Variants in STAMBPL1 observed in about 807,000 individuals in gnomAD.
STAMBPL1 encodes the protein STAM binding protein like 1.
A neutral mutation model predicts 52.9 loss-of-function variants in STAMBPL1; 44 were observed. The observed-to-expected ratio is 0.83, with a 90% CI of 0.65 to 1.07. The LOEUF is 1.07. Ranked by LOEUF, STAMBPL1 falls within the 50% of genes least tolerant of loss-of-function variation. STAMBPL1 has a pLI of 0.00. For synonymous variants in STAMBPL1, 164 were observed against 177.3 expected (o/e 0.92, Z 0.60); for missense variants, 511 against 520.8 (o/e 0.98, Z 0.18).
chr10:88,919,793 C>T (rs536476345), intron 8 of STAMBPL1, among the ~76,000 whole-genome samples: 1 of 150,624 alleles, frequency 6.6e-6, no homozygotes, highest in African/African-American at 2.4e-5. Context: ...AAATCATCAT[C>T]TGATTTTACC....
At chr10:88,907,406 T>G (rs547476610) in intron 3 of STAMBPL1, among the ~76,000 whole-genome samples, 1 of 152,310 alleles carries the variant, frequency 6.6e-6, no homozygotes, top group Non-Finnish European at 1.5e-5. Context: ...AATATGAAAT[T>G]AGAAGTTATT....
In STAMBPL1 at chr10:88,905,760, G is replaced by T. The variant is rs1315906607; in HGVS notation, c.248+100G>T. 4.4e-6 allele frequency: 4 copies of T among 899,438 alleles called. No homozygotes were observed. The African/African-American group carries it at 6.7e-5, about 15-fold the overall frequency. The allele number at this position is 899,438 out of a possible 1,614,324, so 55.7% of individuals were successfully genotyped here. ...GGTATCAGTAATGTTTTCATATTCAGACCAATTGCACAGTCTCTAGGAGCA... is the reference window on the plus strand; with the variant it reads ...GGTATCAGTAATGTTTTCATATTCATACCAATTGCACAGTCTCTAGGAGCA... On this transcript the variant is annotated intron_variant, in intron 3 of 10. Transcript: ENST00000371926.
intron 1 of STAMBPL1, among the ~76,000 whole-genome samples, chr10:88,883,340 C>A (rs1200923096): frequency 6.6e-6 from 1 of 152,012 alleles, no homozygotes; most frequent in African/African-American, 2.4e-5. Context: ...AAAATCAAAA[C>A]AAAACAAAAA....
At chr10:88,901,824 T>C in intron 2 of STAMBPL1, 86 bp downstream of exon 2, 1 of 1,365,902 alleles carries the variant, frequency 7.3e-7, no homozygotes, top group Non-Finnish European at 1.0e-6. Flanking sequence ...TGAGTCACAA[T>C]TACTTTAAGA....
Position 88,914,549 on chromosome 10 carries a change from G to T in STAMBPL1, c.794G>T (p.Gly265Val). The change falls in exon 7 of 11, where the codon GGA (glycine) becomes GTA (valine). Residue 265 changes from glycine to valine, a missense_variant. Transcript: ENST00000371926. ...TGTTTCTTAGATTTAGTGGTTGAAGGACTGCGATGTGTAGTTTTGCCAGAA... is the reference window on the plus strand; with the variant it reads ...TGTTTCTTAGATTTAGTGGTTGAAGTACTGCGATGTGTAGTTTTGCCAGAA... The part of the protein sequence containing the change: ...LSAVQNLVVE[G>V]LRCVVLPEDL... 6.5e-7 allele frequency: 1 copy of T among 1,532,984 alleles called. No homozygotes were observed. Among genetic ancestry groups the T allele is most frequent in the Non-Finnish European group, 8.8e-7 (1 of 1,137,846 alleles). 95.0% of individuals were successfully genotyped at this position (1,532,984 alleles called of 1,614,324 possible).
chr10:88,921,424 A>G, intron 9 of STAMBPL1, 29 bp downstream of exon 9: 1 of 1,582,686 alleles, frequency 6.3e-7, no homozygotes, highest in East Asian at 2.2e-5. Context: ...GGGAGACCAA[A>G]GAAGGCTTTG....
Position 88,923,189 on chromosome 10 carries a change from A to G in STAMBPL1, c.1276A>G (p.Lys426Glu). Reference sequence around the variant, plus strand: ...CTAGATATGCAAACATGTGTTGGTAAAAGACATAAAAATAATTGTGTTGGA... The same window carrying G: ...CTAGATATGCAAACATGTGTTGGTAGAAGACATAAAAATAATTGTGTTGGA... ...LFSICKHVLV[K>E]DIKIIVLDLR Residue 426 changes from lysine to glutamate, a missense_variant, in exon 11 of 11, where the codon AAA (lysine) becomes GAA (glutamate). Coordinates refer to ENST00000371926, the MANE Select transcript of STAMBPL1 (RefSeq NM_020799.4). 6.2e-7 allele frequency: 1 copy of G among 1,606,146 alleles called. No individual in the cohort carries two copies. The highest frequency in any genetic ancestry group is 8.5e-7 in the Non-Finnish European group (1 of 1,178,250).
intron 1 of STAMBPL1, among the ~76,000 whole-genome samples, chr10:88,900,898 T>C (rs1844928488): frequency 6.6e-6 from 1 of 152,194 alleles, no homozygotes; most frequent in African/African-American, 2.4e-5. Flanking sequence ...GCTTGTATGA[T>C]CATTGGCAGA....
chr10:88,918,517 G>T (rs192445832), intron 8 of STAMBPL1, among the ~76,000 whole-genome samples: 1 of 152,132 alleles, frequency 6.6e-6, no homozygotes, highest in Admixed American at 6.5e-5. Context: ...AAGATACCAG[G>T]TGTGAAAGCT....
chr10:88,923,156 T>C lies in STAMBPL1; in HGVS notation c.1255-12T>C. ...ATCAAACATATGGTAAAACCAATTTTTTCTTTCCTAGATATGCAAACATGT... is the reference window on the plus strand; with the variant it reads ...ATCAAACATATGGTAAAACCAATTTCTTCTTTCCTAGATATGCAAACATGT... On this transcript the variant is annotated splice_polypyrimidine_tract_variant and intron_variant, in intron 10 of 10. Transcript: ENST00000371926. 3.8e-6 allele frequency: 6 copies of C among 1,599,028 alleles called. No homozygotes were observed. The highest frequency in any genetic ancestry group is 5.1e-6 in the Non-Finnish European group (6 of 1,174,076).
intron 1 of STAMBPL1, among the ~76,000 whole-genome samples, chr10:88,896,843 C>G (rs568026078): frequency 6.6e-6 from 1 of 151,092 alleles, no homozygotes; most frequent in Non-Finnish European, 1.5e-5. Context: ...CACACAAACA[C>G]ACACATACAT....
In STAMBPL1 at chr10:88,917,316, C is replaced by A. The variant is rs80190315; in HGVS notation, c.1041+499C>A. On this transcript the variant is annotated intron_variant, in intron 8 of 10. Coordinates refer to ENST00000371926, the MANE Select transcript of STAMBPL1 (RefSeq NM_020799.4). ...TATATATCAGCCACACTCCCTGACA[C>A]CCCTCAGACAGGCAAACGATGTATG... 2.6e-5 allele frequency among the ~76,000 whole-genome samples: 4 copies of A among 152,238 alleles called. No homozygotes were observed. The East Asian group carries it at 7.7e-4, about 29-fold the overall frequency.
chr10:88,908,565 C>A, intron 3 of STAMBPL1, 137 bp from the exon 4 acceptor site: 1 of 689,600 alleles, frequency 1.5e-6, no homozygotes, highest in Non-Finnish European at 2.4e-6. Context: ...AGTGAAAAGG[C>A]AGATGGCAAG....
chr10:88,885,659 A>G (rs2133116630), intron 1 of STAMBPL1, among the ~76,000 whole-genome samples: 1 of 152,332 alleles, frequency 6.6e-6, no homozygotes, highest in South Asian at 2.1e-4. Context: ...TGATAATGAC[A>G]TTTCTAACCA....
rs913904831 is a variant in STAMBPL1, at chr10:88,917,074, G to A, written c.1041+257G>A. ...CCTGTCAAATCTGGATTTGGAGAAC[G>A]TGTATCTTATGCTTTTTTGTATCAT... On this transcript the variant is annotated intron_variant, in intron 8 of 10. Coordinates refer to ENST00000371926, the MANE Select transcript of STAMBPL1 (RefSeq NM_020799.4). Among the ~76,000 whole-genome samples, 57 of 152,104 alleles carry A rather than the reference G, an allele frequency of 3.7e-4. 1 individual carries two copies. The highest frequency in any genetic ancestry group is 1.2e-3 in the African/African-American group (50 of 41,422).
chr10:88,892,237 A>T (rs1401270502), intron 1 of STAMBPL1, among the ~76,000 whole-genome samples: 2 of 152,212 alleles, frequency 1.3e-5, no homozygotes, highest in Middle Eastern at 3.4e-3. Flanking sequence ...TCAAGTTTTA[A>T]TGTGCATAAA....
At chr10:88,887,665 C>T (rs532659782) in intron 1 of STAMBPL1, among the ~76,000 whole-genome samples, 5 of 152,072 alleles carry the variant, frequency 3.3e-5, no homozygotes, top group Admixed American at 6.5e-5. Flanking sequence ...ACTACAGGTG[C>T]GTGCTGCCAC....
chr10:88,905,621 ATT>A lies in STAMBPL1; in HGVS notation c.211_212del (p.Leu71GlyfsTer8). On this transcript the variant is annotated frameshift_variant, in exon 3 of 11. Transcript: ENST00000371926. LOFTEE classifies it high-confidence loss of function. The stretch of plus-strand genomic sequence containing the variant: ...GCGTCTGTGTATTTGGAAGAAGGAA[ATT>A]TGGAAAATGCCTTTGTTCTTTATAA... 2 of 1,614,122 alleles carry A rather than the reference ATT, an allele frequency of 1.2e-6. No homozygotes were observed. The highest frequency in any genetic ancestry group is 1.7e-6 in the Non-Finnish European group (2 of 1,179,994).
Position 88,913,100 on chromosome 10 carries a change from GAACA to G in STAMBPL1, c.423_426del (p.Lys142IlefsTer14). 6.3e-7 allele frequency: 1 copy of G among 1,576,916 alleles called. No homozygotes were observed. Among genetic ancestry groups the G allele is most frequent in the Non-Finnish European group, 8.6e-7 (1 of 1,162,920 alleles). Reference sequence around the variant, plus strand: ...TCTCTTCTGGCTGCCACACTTTTTAGAACAAATATAAAGCTGAAATTCTCAAAAA... The same window carrying G: ...TCTCTTCTGGCTGCCACACTTTTTAGAATATAAAGCTGAAATTCTCAAAAA... On this transcript the variant is annotated frameshift_variant and splice_region_variant, in exon 6 of 11. Transcript: ENST00000371926. LOFTEE classifies it high-confidence loss of function.
Sources: allele counts gnomAD v4.1 joint callset (sites outside exome capture counted in the v4.1 genomes callset), GRCh38; gene constraint gnomAD v4.1.1; transcripts MANE v1.5; gene names NCBI Gene and HGNC (gene_info 2026-07-23, HGNC 2026-07-21).